EXOC6: variants seen among roughly 807,000 people sequenced by gnomAD.
EXOC6 encodes exocyst complex component 6, also known as SEC15-like 1.
Under a neutral mutation model 112.5 loss-of-function variants are expected in EXOC6, and 60 were observed. The ratio of observed to expected loss-of-function variants is 0.53; its 90% CI spans 0.43 to 0.66. EXOC6 has a LOEUF of 0.66. Among genes scored for constraint, EXOC6 ranks in the 30% least tolerant of loss-of-function variants. The probability of loss-of-function intolerance (pLI) is 0.00; values close to 1 mark genes in which losing one functional copy is unlikely to be tolerated. For missense variants in EXOC6, 855 were observed against 957.1 expected, an observed-to-expected ratio of 0.89 and a Z score of 1.41; for synonymous variants, 295 against 308.0, an observed-to-expected ratio of 0.96 and a Z score of 0.44.
intron 20 of EXOC6, among the ~76,000 whole-genome samples, chr10:93,016,964 C>A (rs983703107): frequency 3.3e-5 from 5 of 150,710 alleles, no homozygotes; most frequent in Admixed American, 1.3e-4. Context: ...AGGCGTGTGC[C>A]ACCAAGCCCA....
At chr10:92,958,007 A>G (rs571531866) in intron 17 of EXOC6, among the ~76,000 whole-genome samples, 4 of 152,270 alleles carry the variant, frequency 2.6e-5, no homozygotes, top group Non-Finnish European at 4.4e-5. Flanking sequence ...CTTGATACCT[A>G]TACCTCCATT....
intron 18 of EXOC6, among the ~76,000 whole-genome samples, chr10:92,977,513 C>G (rs1479572688): frequency 1.3e-5 from 2 of 152,160 alleles, no homozygotes; most frequent in African/African-American, 4.8e-5. Context: ...AAAAGGAAAT[C>G]TATAAATATA....
intron 17 of EXOC6, among the ~76,000 whole-genome samples, chr10:92,963,474 ATAT>A (rs1854131531): frequency 6.6e-6 from 1 of 151,804 alleles, no homozygotes; most frequent in African/African-American, 2.4e-5. Flanking sequence ...TAGAACTATG[ATAT>A]TATTAATCTC....
upstream of EXOC6, among the ~76,000 whole-genome samples, chr10:92,847,668 G>A (rs536648189): frequency 6.6e-6 from 1 of 151,942 alleles, no homozygotes; most frequent in African/African-American, 2.4e-5. Context: ...CATTAAGCAC[G>A]ACTTTTTTCT....
intron 8 of EXOC6, among the ~76,000 whole-genome samples, chr10:92,927,821 T>TA (rs1403839525): frequency 2.0e-5 from 3 of 151,932 alleles, no homozygotes; most frequent in African/African-American, 4.8e-5. Flanking sequence ...GAAGGATGAG[T>TA]AAAAAATCAT....
intron 1 of EXOC6, among the ~76,000 whole-genome samples, chr10:92,858,325 T>C (rs1000018395): frequency 6.6e-6 from 1 of 152,208 alleles, no homozygotes; most frequent in African/African-American, 2.4e-5. Flanking sequence ...TTCCTTTCTC[T>C]TCTCTACTTT....
intron 20 of EXOC6, among the ~76,000 whole-genome samples, chr10:93,049,365 A>C (rs972487348): frequency 2.0e-5 from 3 of 152,086 alleles, no homozygotes; most frequent in African/African-American, 7.2e-5. Context: ...CCGGCCCAGC[A>C]GCATTATTTT....
At chr10:92,916,518 G>A (rs1010433280) in intron 7 of EXOC6, among the ~76,000 whole-genome samples, 11 of 151,246 alleles carry the variant, frequency 7.3e-5, no homozygotes, top group African/African-American at 2.7e-4. Flanking sequence ...TCAAAAAGAA[G>A]AAAAAAAACA....
chr10:92,868,145 C>T (rs1848268802), intron 1 of EXOC6, among the ~76,000 whole-genome samples: 1 of 151,966 alleles, frequency 6.6e-6, no homozygotes, highest in Non-Finnish European at 1.5e-5. Flanking sequence ...GGAAAGTTTT[C>T]CAGATTCCGG....
rs1846396133 is a variant in EXOC6, at chr10:92,826,961, G to GAC, written c.-27+19_-27+20dup. ...GAAACACAGGTAAGGAGCAAGAGAT[G>GAC]ACATCAGGGCAGTCTAGGGCAGAGG... On this transcript the variant is annotated intron_variant, in intron 1 of 22. Transcript: ENST00000671701. 2.0e-5 allele frequency among the ~76,000 whole-genome samples: 3 copies of GAC among 152,296 alleles called. No homozygotes were observed. In the South Asian group the frequency reaches 6.2e-4, roughly 32 times the overall value.
upstream of EXOC6, among the ~76,000 whole-genome samples, chr10:92,832,753 C>G (rs1291116375): frequency 6.7e-6 from 1 of 149,826 alleles, no homozygotes; most frequent in Non-Finnish European, 1.5e-5. Context: ...ACCTCTACCT[C>G]CCGGGCTCAA....
intron 1 of EXOC6, among the ~76,000 whole-genome samples, chr10:92,858,574 CA>C (rs1247846523): frequency 1.3e-5 from 2 of 152,102 alleles, no homozygotes; most frequent in Non-Finnish European, 2.9e-5. Flanking sequence ...ACTGACTTTT[CA>C]ACTCTGGAAT....
chr10:92,901,184 A>T (rs1850146397), intron 5 of EXOC6: 1 of 152,222 alleles, frequency 6.6e-6, no homozygotes, highest in African/African-American at 2.4e-5. Flanking sequence ...GTTAAGGGGA[A>T]GTCTACCAGA....
intron 1 of EXOC6, among the ~76,000 whole-genome samples, chr10:92,873,880 A>G (rs1848567714): frequency 6.6e-6 from 1 of 151,834 alleles, no homozygotes; most frequent in Non-Finnish European, 1.5e-5. Context: ...GTGAAACCCC[A>G]TTTCTACTAA....
intron 20 of EXOC6, among the ~76,000 whole-genome samples, chr10:93,018,398 A>G (rs1844638776): frequency 6.6e-6 from 1 of 152,214 alleles, no homozygotes; most frequent in Non-Finnish European, 1.5e-5. Context: ...AAAAAACATT[A>G]GAATATACAA....
At chr10:92,892,163 A>G (rs1849534541) in intron 1 of EXOC6, among the ~76,000 whole-genome samples, 1 of 152,204 alleles carries the variant, frequency 6.6e-6, no homozygotes, top group South Asian at 2.1e-4. Context: ...AGGGACTTGC[A>G]AAATTCAGCA....
chr10:92,879,565 T>G (rs1331731081), intron 1 of EXOC6, among the ~76,000 whole-genome samples: 3 of 148,832 alleles, frequency 2.0e-5, no homozygotes, highest in Non-Finnish European at 4.6e-5. Context: ...CTAACATGAA[T>G]AAATCATAAA....
chr10:92,858,671 C>CT (rs1847746686), intron 1 of EXOC6, among the ~76,000 whole-genome samples: 1 of 152,204 alleles, frequency 6.6e-6, no homozygotes, highest in African/African-American at 2.4e-5. Flanking sequence ...TTTGCTTCTT[C>CT]TTTTTAGTTC....
At chr10:92,857,040 A>G (rs1470160973) in intron 1 of EXOC6, among the ~76,000 whole-genome samples, 1 of 151,992 alleles carries the variant, frequency 6.6e-6, no homozygotes, top group East Asian at 1.9e-4. Flanking sequence ...ACATCATTGG[A>G]TCTTATTTTT....
Sources: gnomAD v4.1 joint callset for allele counts (sites outside exome capture counted in the v4.1 genomes callset) on GRCh38, gnomAD v4.1.1 for gene constraint, MANE v1.5 for transcripts, NCBI Gene and HGNC (gene_info 2026-07-23, HGNC 2026-07-21) for gene names.